RANBP17: variants seen among roughly 807,000 people sequenced by gnomAD.
RANBP17 encodes the protein ran-binding protein 17.
RANBP17 carries 158 observed loss-of-function variants against 141.2 expected under a neutral mutation model. The observed-to-expected ratio is 1.12, with a 90% CI of 0.98 to 1.28. The LOEUF is 1.28. Ranked by LOEUF, RANBP17 falls within the 50% of genes most tolerant of loss-of-function variation. The pLI, the probability that RANBP17 is intolerant of heterozygous loss-of-function variation, is 0.00. For missense variants in RANBP17, 1,438 were observed against 1,290.7 expected, an observed-to-expected ratio of 1.11 and a Z score of -1.75; for synonymous variants, 430 against 450.0, an observed-to-expected ratio of 0.96 and a Z score of 0.56.
At chr5:171,240,394 C>T (rs924200971) in intron 22 of RANBP17, among the ~76,000 whole-genome samples, 2 of 152,106 alleles carry the variant, frequency 1.3e-5, no homozygotes, top group African/African-American at 2.4e-5. Flanking sequence ...ATTTACTGTA[C>T]ACTGCACCAA....
At chr5:170,978,642 T>C (rs1398910937) in intron 14 of RANBP17, among the ~76,000 whole-genome samples, 1 of 152,202 alleles carries the variant, frequency 6.6e-6, no homozygotes, top group African/African-American at 2.4e-5. Context: ...CACTTACCAA[T>C]TTCTATAACA....
intron 14 of RANBP17, among the ~76,000 whole-genome samples, chr5:170,999,593 T>C (rs1338167315): frequency 6.6e-6 from 1 of 152,224 alleles, no homozygotes; most frequent in Non-Finnish European, 1.5e-5. Context: ...TTTAGTTTGA[T>C]TGTTTTTACG....
chr5:171,132,229 C>G (rs1159465026), intron 14 of RANBP17, among the ~76,000 whole-genome samples: 32 of 151,962 alleles, frequency 2.1e-4, no homozygotes, highest in Admixed American at 2.1e-3. Context: ...CTTTACTCTT[C>G]CAAGCCCTAC....
At chr5:171,193,955 T>A (rs1409597460) in intron 18 of RANBP17, among the ~76,000 whole-genome samples, 3 of 152,246 alleles carry the variant, frequency 2.0e-5, no homozygotes. Context: ...ACCTGCCATA[T>A]TGATTTATCA....
chr5:170,865,851 A>G (rs1247758503), intron 1 of RANBP17, among the ~76,000 whole-genome samples: 1 of 152,174 alleles, frequency 6.6e-6, no homozygotes, highest in African/African-American at 2.4e-5. Context: ...CAGGATACAG[A>G]TTAAAATTGG....
chr5:171,019,121 T>G (rs1433558524), intron 14 of RANBP17, among the ~76,000 whole-genome samples: 1 of 152,186 alleles, frequency 6.6e-6, no homozygotes, highest in African/African-American at 2.4e-5. Flanking sequence ...TTGATCGTGG[T>G]GGATAAGTTT....
chr5:170,887,001 A>G (rs1465942702), intron 3 of RANBP17, among the ~76,000 whole-genome samples: 1 of 151,590 alleles, frequency 6.6e-6, no homozygotes, highest in African/African-American at 2.4e-5. Flanking sequence ...GTCTCCAAAA[A>G]TTTTTCCAAT....
intron 1 of RANBP17, among the ~76,000 whole-genome samples, chr5:170,872,583 G>A (rs1767840447): frequency 6.6e-6 from 1 of 152,154 alleles, no homozygotes; most frequent in African/African-American, 2.4e-5. Flanking sequence ...TCCTTGTCTT[G>A]TGCCAGTTTT....
chr5:170,955,497 A>G (rs1333449817), intron 13 of RANBP17, among the ~76,000 whole-genome samples: 13 of 16,698 alleles, frequency 7.8e-4, no homozygotes, highest in East Asian at 7.7e-3. Flanking sequence ...CTCAGTGTGT[A>G]TATATATATA....
intron 22 of RANBP17, among the ~76,000 whole-genome samples, chr5:171,225,615 G>A (rs1412490987): frequency 1.3e-5 from 2 of 152,198 alleles, no homozygotes; most frequent in Non-Finnish European, 2.9e-5. Context: ...GGAAAGGGAA[G>A]CCAGTGGAGG....
intron 5 of RANBP17, among the ~76,000 whole-genome samples, chr5:170,899,139 T>G (rs1406162356): frequency 3.3e-5 from 5 of 152,234 alleles, no homozygotes; most frequent in Non-Finnish European, 5.9e-5. Flanking sequence ...ATATTGATTC[T>G]TCCTATCCAT....
intron 23 of RANBP17, among the ~76,000 whole-genome samples, chr5:171,242,351 C>CA (rs988310503): frequency 4.6e-5 from 7 of 151,396 alleles, no homozygotes; most frequent in African/African-American, 1.5e-4. Context: ...AAAAAACCAA[C>CA]AAAAAAAAGG....
chr5:171,170,257 T>C, intron 15 of RANBP17, 54 bp downstream of exon 15: 1 of 883,358 alleles, frequency 1.1e-6, no homozygotes, highest in Non-Finnish European at 1.7e-6. Context: ...TTAAATGTAA[T>C]AGATCTTTTT....
intron 12 of RANBP17, 37 bp downstream of exon 12, chr5:170,924,587 G>T: frequency 7.8e-7 from 1 of 1,287,480 alleles, no homozygotes; most frequent in Non-Finnish European, 1.1e-6. Flanking sequence ...GTATTATGTT[G>T]AATATTAAGT....
chr5:171,193,184 A>G (rs116305691), intron 18 of RANBP17, among the ~76,000 whole-genome samples: 3,630 of 152,186 alleles, frequency 0.024, 135 homozygotes, highest in African/African-American at 0.083. Flanking sequence ...CATTACACCT[A>G]CTTTCTTGCA....
chr5:170,945,093 A>G (rs753636689), intron 12 of RANBP17, among the ~76,000 whole-genome samples: 9 of 152,172 alleles, frequency 5.9e-5, no homozygotes, highest in Non-Finnish European at 1.2e-4. Context: ...TACAAAGTAG[A>G]TACTTACAGC....
chr5:171,057,514 C>T (rs1783479146), intron 14 of RANBP17, among the ~76,000 whole-genome samples: 1 of 152,002 alleles, frequency 6.6e-6, no homozygotes, highest in Non-Finnish European at 1.5e-5. Context: ...CATAGTACTC[C>T]ATTTTGTGTG....
At chr5:171,213,502 CAT>C (rs1401439436) in intron 20 of RANBP17, 127 bp from the exon 21 acceptor site, 1 of 670,650 alleles carries the variant, frequency 1.5e-6, no homozygotes, top group Non-Finnish European at 2.6e-6. Flanking sequence ...ATAGTATAGA[CAT>C]AGAACAAATT....
intron 25 of RANBP17, 29 bp from the exon 26 acceptor site, chr5:171,293,854 C>A (rs1195254891): frequency 1.9e-6 from 3 of 1,544,916 alleles, no homozygotes; most frequent in Non-Finnish European, 1.8e-6. Flanking sequence ...GACAAGGCAT[C>A]TCAATCTTTA....
Sources: gnomAD v4.1 joint callset for allele counts (sites outside exome capture counted in the v4.1 genomes callset) on GRCh38, gnomAD v4.1.1 for gene constraint, MANE v1.5 for transcripts, NCBI Gene and HGNC (gene_info 2026-07-23, HGNC 2026-07-21) for gene names.